CNTNAP4: variants seen among roughly 807,000 people sequenced by gnomAD.
CNTNAP4 encodes contactin-associated protein-like 4.
A neutral mutation model predicts 148.4 loss-of-function variants in CNTNAP4; 98 were observed. The observed-to-expected ratio is 0.66, with a 90% CI of 0.56 to 0.78. The LOEUF (loss-of-function observed/expected upper bound fraction) is 0.78, where lower values mean the gene tolerates loss of function less well. CNTNAP4 is among the 30% of genes least tolerant of loss of function. The pLI, the probability that CNTNAP4 is intolerant of heterozygous loss-of-function variation, is 0.00. For synonymous variants in CNTNAP4, 730 were observed against 565.1 expected (o/e 1.29, Z -4.14); for missense variants, 1,935 against 1,565.6 (o/e 1.24, Z -3.98).
chr16:76,367,071 T>C (rs536209563), intron 3 of CNTNAP4, among the ~76,000 whole-genome samples: 1 of 151,752 alleles, frequency 6.6e-6, no homozygotes, highest in African/African-American at 2.4e-5. Context: ...TAATTAAAAC[T>C]TATTGATACT....
At chr16:76,449,596 T>G (rs1568215965) in intron 6 of CNTNAP4, 119 bp from the exon 7 acceptor site, 2 of 780,462 alleles carry the variant, frequency 2.6e-6, no homozygotes, top group Non-Finnish European at 1.9e-6. Context: ...TTTTTGTGTG[T>G]GTAGGGTTAT....
rs192520914 is a variant in CNTNAP4 at position 76,549,546 on chromosome 16, G to T, written c.3443-3737G>T. ...AAGGAGAAAAAAACTAAACCAAAAT[G>T]ATTTTCTATCAAAATAAAGCTATTC... is the stretch of plus-strand genomic sequence containing the variant. On this transcript the variant is annotated intron_variant, in intron 21 of 23. Coordinates refer to ENST00000611870, the MANE Select transcript of CNTNAP4 (RefSeq NM_033401.5). Among the ~76,000 whole-genome samples, 11 of 152,178 alleles carry T rather than the reference G, an allele frequency of 7.2e-5. No individual in the cohort carries two copies. In the East Asian group the frequency reaches 1.9e-3, roughly 27 times the overall value.
In CNTNAP4 at chr16:76,558,749, A is replaced by G. The variant is rs1227274277; in HGVS notation, c.*66A>G. The G allele has an allele frequency of 8.3e-7, 1 of 1,207,844 alleles. No homozygotes were observed. The highest frequency in any genetic ancestry group is 1.2e-6 in the Non-Finnish European group (1 of 857,106). 74.8% of individuals were successfully genotyped at this position (1,207,844 alleles called of 1,614,324 possible). On this transcript the variant is annotated 3_prime_UTR_variant, in exon 24 of 24. Coordinates refer to ENST00000611870, the MANE Select transcript of CNTNAP4 (RefSeq NM_033401.5). Reference sequence around the variant, plus strand: ...TTAATAGCCAGGGGTTCTCAATGGAAAAACGAATGCTCTTACACTGAATGT... The same window carrying G: ...TTAATAGCCAGGGGTTCTCAATGGAGAAACGAATGCTCTTACACTGAATGT...
At chr16:76,485,690 C>G (rs190336731) in intron 12 of CNTNAP4, among the ~76,000 whole-genome samples, 16 of 152,238 alleles carry the variant, frequency 1.1e-4, no homozygotes, top group East Asian at 7.7e-4. Context: ...CCAGGTGATT[C>G]TGAGATAGGA....
chr16:76,357,366 C>A lies in CNTNAP4; in HGVS notation c.390+1855C>A, dbSNP rs542374309. 2.6e-5 allele frequency among the ~76,000 whole-genome samples: 4 copies of A among 152,264 alleles called. No individual in the cohort carries two copies. The South Asian group carries it at 8.3e-4, about 32-fold the overall frequency. On this transcript the variant is annotated intron_variant, in intron 3 of 23. Coordinates refer to ENST00000611870, the MANE Select transcript of CNTNAP4 (RefSeq NM_033401.5). ...AATTGTTGTACTTCTGTTAAGCAAG[C>A]TTGGGGAAAGCCAAACCCAGGCACT...
At chr16:76,367,202 G>A (rs1175194253) in intron 3 of CNTNAP4, among the ~76,000 whole-genome samples, 4 of 151,866 alleles carry the variant, frequency 2.6e-5, no homozygotes, top group Non-Finnish European at 4.4e-5. Flanking sequence ...AAGGAAATAT[G>A]TATTAGTCAA....
intron 1 of CNTNAP4, among the ~76,000 whole-genome samples, chr16:76,315,631 G>A (rs1484751366): frequency 1.3e-5 from 2 of 151,932 alleles, no homozygotes; most frequent in African/African-American, 2.4e-5. Flanking sequence ...GTCTTACTCC[G>A]TCACCCAGGC....
intron 2 of CNTNAP4, among the ~76,000 whole-genome samples, chr16:76,343,906 A>G (rs1456468806): frequency 2.0e-5 from 3 of 152,194 alleles, no homozygotes; most frequent in African/African-American, 7.2e-5. Context: ...CATTTTTCAT[A>G]AAATCATGAC....
At chr16:76,363,194 T>C (rs1484787098) in intron 3 of CNTNAP4, among the ~76,000 whole-genome samples, 1 of 148,194 alleles carries the variant, frequency 6.7e-6, no homozygotes, top group East Asian at 2.0e-4. Context: ...GGAGTCTCAC[T>C]CTTGCACCCA....
chr16:76,383,393 C>CAGAA (rs1328433699), intron 3 of CNTNAP4, among the ~76,000 whole-genome samples: 3 of 52,652 alleles, frequency 5.7e-5, no homozygotes, highest in African/African-American at 8.1e-5. Context: ...AATACAGGAA[C>CAGAA]AGAAAAAAAA....
chr16:76,546,956 A>G (rs774736297), intron 21 of CNTNAP4, among the ~76,000 whole-genome samples: 32 of 152,144 alleles, frequency 2.1e-4, no homozygotes, highest in Non-Finnish European at 4.3e-4. Flanking sequence ...GGAGTGAAAA[A>G]TTGTCACTAT....
intron 8 of CNTNAP4, among the ~76,000 whole-genome samples, chr16:76,455,571 G>C (rs2080696223): frequency 6.6e-6 from 1 of 152,166 alleles, no homozygotes; most frequent in South Asian, 2.1e-4. Flanking sequence ...CTCCACCAAA[G>C]TGATGGGTAC....
intron 4 of CNTNAP4, among the ~76,000 whole-genome samples, chr16:76,433,641 T>A (rs773002137): frequency 7.9e-5 from 12 of 152,090 alleles, no homozygotes; most frequent in Non-Finnish European, 8.8e-5. Flanking sequence ...TAGATAATAG[T>A]CTCTGTCTAT....
intron 5 of CNTNAP4, 137 bp downstream of exon 5, chr16:76,448,352 T>C (rs149731683): frequency 2.4e-5 from 15 of 627,696 alleles, no homozygotes; most frequent in African/African-American, 2.4e-4. Flanking sequence ...ATGTCAATAT[T>C]GCTCTTTCAT....
At chr16:76,344,839 ACCTT>A (rs970090170) in intron 2 of CNTNAP4, among the ~76,000 whole-genome samples, 1 of 152,168 alleles carries the variant, frequency 6.6e-6, no homozygotes, top group African/African-American at 2.4e-5. Flanking sequence ...TGATTTCCTA[ACCTT>A]CTACTCTTTT....
chr16:76,467,330 G>A, intron 9 of CNTNAP4, 22 bp from the exon 10 acceptor site: 1 of 1,610,608 alleles, frequency 6.2e-7, no homozygotes, highest in Non-Finnish European at 8.5e-7. Context: ...GATGCGTACT[G>A]GATTTATTTC....
chr16:76,288,737 A>G (rs1188096117), intron 1 of CNTNAP4, among the ~76,000 whole-genome samples: 3 of 152,232 alleles, frequency 2.0e-5, no homozygotes, highest in Non-Finnish European at 2.9e-5. Context: ...AATAAAGAGC[A>G]TATTCAGTAA....
At chr16:76,410,089 A>C (rs1177320635) in intron 3 of CNTNAP4, among the ~76,000 whole-genome samples, 1 of 144,086 alleles carries the variant, frequency 6.9e-6, no homozygotes, top group African/African-American at 2.4e-5. Flanking sequence ...ATCTTTTAAG[A>C]GCCAGGATTG....
intron 12 of CNTNAP4, among the ~76,000 whole-genome samples, chr16:76,483,056 G>A (rs1320888953): frequency 4.0e-5 from 2 of 50,430 alleles, no homozygotes; most frequent in Admixed American, 4.2e-4. Flanking sequence ...TTTCCAGCTT[G>A]GATAGGTTGG....
Sources: allele counts gnomAD v4.1 joint callset (sites outside exome capture counted in the v4.1 genomes callset), GRCh38; gene constraint gnomAD v4.1.1; transcripts MANE v1.5; gene names NCBI Gene and HGNC (gene_info 2026-07-23, HGNC 2026-07-21).